The following DUS2 variants were observed in gnomAD, a reference collection of about 807,000 sequenced individuals.
The protein encoded by DUS2 is dihydrouridine synthase 2.
DUS2 carries 52 observed loss-of-function variants against 71.3 expected under a neutral mutation model. The observed-to-expected ratio is 0.73, with a 90% CI of 0.58 to 0.92. DUS2 has a LOEUF of 0.92. Ranked by LOEUF, DUS2 falls within the 40% of genes least tolerant of loss-of-function variation. The probability of loss-of-function intolerance (pLI) is 0.00; values close to 1 mark genes in which losing one functional copy is unlikely to be tolerated. For synonymous variants in DUS2, 204 were observed against 227.8 expected (o/e 0.90, Z 0.94); for missense variants, 558 against 622.6 (o/e 0.90, Z 1.10).
chr16:68,045,259 T>A (rs2033683491), intron 3 of DUS2, among the ~76,000 whole-genome samples: 1 of 152,098 alleles, frequency 6.6e-6, no homozygotes, highest in Non-Finnish European at 1.5e-5. Context: ...TCTCTCTGTC[T>A]CTCCTGTGTG....
At chr16:68,035,927 TATAC>T (rs1300203957) in intron 2 of DUS2, among the ~76,000 whole-genome samples, 8 of 106,776 alleles carry the variant, frequency 7.5e-5, no homozygotes, top group African/African-American at 2.7e-4. Context: ...TATATATATA[TATAC>T]ACACATACAT....
intron 2 of DUS2, among the ~76,000 whole-genome samples, chr16:68,032,706 A>G (rs1043595662): frequency 5.3e-5 from 8 of 150,264 alleles, no homozygotes; most frequent in African/African-American, 2.0e-4. Context: ...ACAGTGGCTC[A>G]CACCTGTAAT....
chr16:68,035,955 C>T (rs2033519272), intron 2 of DUS2, among the ~76,000 whole-genome samples: 1 of 136,646 alleles, frequency 7.3e-6, no homozygotes. Context: ...CATATATATA[C>T]ACACATATGT....
chr16:68,053,779 A>T, intron 5 of DUS2, 124 bp downstream of exon 5: 1 of 932,772 alleles, frequency 1.1e-6, no homozygotes, highest in Non-Finnish European at 1.7e-6. Flanking sequence ...GGCTTCCTGA[A>T]GATTCTGCTT....
At chr16:68,065,377 CTT>C (rs111782057) in intron 8 of DUS2, among the ~76,000 whole-genome samples, 2 of 140,438 alleles carry the variant, frequency 1.4e-5, no homozygotes, top group Admixed American at 7.2e-5. Flanking sequence ...TGCCCCCCCG[CTT>C]TTTTTTTTTT....
intron 8 of DUS2, 100 bp downstream of exon 8, chr16:68,061,213 C>T: frequency 2.4e-6 from 3 of 1,264,654 alleles, no homozygotes; most frequent in Non-Finnish European, 2.3e-6. Flanking sequence ...TACTGATGTC[C>T]ACCCAGTTTC....
intron 11 of DUS2, 72 bp downstream of exon 11, chr16:68,070,292 C>T: frequency 6.8e-7 from 1 of 1,473,380 alleles, no homozygotes; most frequent in Non-Finnish European, 9.5e-7. Context: ...CAGGCCCAGC[C>T]TTCCCTAGAG....
At chr16:68,035,214 T>G (rs1015949709) in intron 2 of DUS2, among the ~76,000 whole-genome samples, 11 of 152,266 alleles carry the variant, frequency 7.2e-5, no homozygotes, top group African/African-American at 2.6e-4. Context: ...TTCCTGCATC[T>G]GTGCCCCCGG....
intron 3 of DUS2, among the ~76,000 whole-genome samples, chr16:68,049,034 G>A (rs2033742295): frequency 6.6e-6 from 1 of 152,040 alleles, no homozygotes; most frequent in Admixed American, 6.6e-5. Flanking sequence ...AGGGGTTTTA[G>A]ACTTTTCTTT....
At chr16:68,069,080 C>T (rs1418343595) in intron 10 of DUS2, among the ~76,000 whole-genome samples, 1 of 152,024 alleles carries the variant, frequency 6.6e-6, no homozygotes, top group African/African-American at 2.4e-5. Flanking sequence ...GGCCCTCGAC[C>T]CTTTTGTTGA....
intron 2 of DUS2, among the ~76,000 whole-genome samples, chr16:68,030,289 G>A (rs1268180375): frequency 6.6e-6 from 1 of 151,652 alleles, no homozygotes; most frequent in Non-Finnish European, 1.5e-5. Flanking sequence ...TGTTTCCAAG[G>A]ATTTTCTAAA....
At chr16:68,053,679 C>A in intron 5 of DUS2, 24 bp downstream of exon 5, 1 of 1,612,086 alleles carries the variant, frequency 6.2e-7, no homozygotes, top group Non-Finnish European at 8.5e-7. Flanking sequence ...TTGCTGCATG[C>A]CCTCCTGAGG....
At chr16:68,057,886 A>G (rs911177214) in intron 7 of DUS2, among the ~76,000 whole-genome samples, 6 of 151,748 alleles carry the variant, frequency 4.0e-5, no homozygotes, top group Non-Finnish European at 5.9e-5. Flanking sequence ...GTCTCAAAAA[A>G]AAAAAAAAAA....
chr16:68,047,603 C>A (rs1318601276), intron 3 of DUS2, among the ~76,000 whole-genome samples: 1 of 151,860 alleles, frequency 6.6e-6, no homozygotes, highest in South Asian at 2.1e-4. Flanking sequence ...CCTGCCTCAG[C>A]CTCCTGAGTA....
chr16:68,053,527 T>G, intron 4 of DUS2, 37 bp from the exon 5 acceptor site: 1 of 1,607,732 alleles, frequency 6.2e-7, no homozygotes, highest in Non-Finnish European at 8.5e-7. Context: ...ACTTGCATCT[T>G]CATTGAGTGA....
At chr16:68,057,074 A>T (rs2033867707) in intron 7 of DUS2, among the ~76,000 whole-genome samples, 1 of 133,710 alleles carries the variant, frequency 7.5e-6, no homozygotes, top group Non-Finnish European at 1.6e-5. Flanking sequence ...TATATATGTT[A>T]TAAATATATA....
At chr16:68,076,832 G>A in intron 15 of DUS2, 113 bp downstream of exon 15, 2 of 811,618 alleles carry the variant, frequency 2.5e-6, no homozygotes, top group Non-Finnish European at 3.8e-6. Context: ...TAGGCATGGA[G>A]AAGCTGCTGG....
chr16:68,029,992 C>T (rs1216240836), intron 2 of DUS2, among the ~76,000 whole-genome samples: 4 of 151,022 alleles, frequency 2.6e-5, no homozygotes, highest in South Asian at 2.1e-4. Flanking sequence ...ACGATCCTCC[C>T]GCCTCAGCCT....
chr16:68,033,889 C>G (rs2033478076), intron 2 of DUS2, among the ~76,000 whole-genome samples: 1 of 151,960 alleles, frequency 6.6e-6, no homozygotes, highest in Admixed American at 6.6e-5. Context: ...ACCTCGTCCT[C>G]CCAAAGCACT....
Sources: allele counts gnomAD v4.1 joint callset (sites outside exome capture counted in the v4.1 genomes callset), GRCh38; gene constraint gnomAD v4.1.1; transcripts MANE v1.5; gene names NCBI Gene and HGNC (gene_info 2026-07-23, HGNC 2026-07-21).